WDFY3: variants seen among roughly 807,000 people sequenced by gnomAD.
WDFY3 encodes WD repeat and FYVE domain containing 3.
In WDFY3, 66 loss-of-function variants were observed where a neutral mutation model predicts 409.6. The ratio of observed to expected loss-of-function variants is 0.16; its 90% CI spans 0.13 to 0.20. The LOEUF (loss-of-function observed/expected upper bound fraction) is 0.20. Among genes scored for constraint, WDFY3 ranks in the 10% least tolerant of loss-of-function variants. The pLI is 1.00. For synonymous variants in WDFY3, 1,521 were observed against 1,537.1 expected (o/e 0.99, Z 0.25); for missense variants, 3,031 against 4,298.1 (o/e 0.71, Z 8.24).
intron 5 of WDFY3, among the ~76,000 whole-genome samples, chr4:84,848,522 A>C (rs1758430439): frequency 6.6e-6 from 1 of 152,176 alleles, no homozygotes; most frequent in African/African-American, 2.4e-5. Flanking sequence ...ATCTCAACCC[A>C]TGGTCAACTT....
intron 10 of WDFY3, among the ~76,000 whole-genome samples, chr4:84,823,286 A>C (rs2149838988): frequency 6.6e-6 from 1 of 152,282 alleles, no homozygotes; most frequent in African/African-American, 2.4e-5. Flanking sequence ...CTATGATAAT[A>C]ACTTAAAATG....
At chr4:84,727,893 A>G (rs1251336984) in intron 44 of WDFY3, among the ~76,000 whole-genome samples, 1 of 152,194 alleles carries the variant, frequency 6.6e-6, no homozygotes, top group Admixed American at 6.5e-5. Flanking sequence ...ATTGAAAAAT[A>G]ATATTTAACA....
intron 17 of WDFY3, among the ~76,000 whole-genome samples, chr4:84,799,589 A>G (rs1433926911): frequency 1.3e-5 from 2 of 152,098 alleles, no homozygotes; most frequent in African/African-American, 2.4e-5. Flanking sequence ...TTAATAAACA[A>G]TATTTTCATT....
chr4:84,683,650 TC>T (rs1159142032), intron 63 of WDFY3, among the ~76,000 whole-genome samples: 3 of 152,198 alleles, frequency 2.0e-5, no homozygotes, highest in Non-Finnish European at 2.9e-5. Flanking sequence ...CTTCTGCAGT[TC>T]GCATGTTGAG....
intron 4 of WDFY3, among the ~76,000 whole-genome samples, chr4:84,859,282 T>C (rs984462612): frequency 6.6e-6 from 1 of 152,124 alleles, no homozygotes; most frequent in Non-Finnish European, 1.5e-5. Flanking sequence ...CTTACACAAG[T>C]AGCCTAACTA....
At position 84,670,469 on chromosome 4, in the gene WDFY3, A is replaced by C. The variant is rs1238564229; in HGVS notation, c.*2399T>G. 6.5e-6 allele frequency: 1 copy of C among 152,696 alleles called. No individual in the cohort carries two copies. Among genetic ancestry groups the C allele is most frequent in the East Asian group, 1.9e-4 (1 of 5,204 alleles). The allele number at this position is 152,696 out of a possible 1,614,324, so 9.5% of individuals were successfully genotyped here. On this transcript the variant is annotated 3_prime_UTR_variant, in exon 68 of 68. Coordinates refer to ENST00000295888, the MANE Select transcript of WDFY3 (RefSeq NM_014991.6). The stretch of plus-strand genomic sequence containing the variant: ...GAAAAGAAACCCGATTGAACAAAAC[A>C]GTTGCCCACAGCACCAGCTGCCAGA...
At chr4:84,808,517 T>A in intron 14 of WDFY3, 100 bp from the exon 15 acceptor site, 1 of 898,518 alleles carries the variant, frequency 1.1e-6, no homozygotes, top group Non-Finnish European at 1.8e-6. Flanking sequence ...AGTAAAAGTT[T>A]AATAAGGAAC....
intron 17 of WDFY3, among the ~76,000 whole-genome samples, chr4:84,801,036 G>A (rs1750449877): frequency 6.6e-6 from 1 of 152,168 alleles, no homozygotes; most frequent in African/African-American, 2.4e-5. Context: ...CATGGGCTAA[G>A]GGCTAACGAT....
intron 2 of WDFY3, among the ~76,000 whole-genome samples, chr4:84,913,826 C>T (rs2150770390): frequency 1.3e-5 from 2 of 151,980 alleles, no homozygotes; most frequent in South Asian, 4.2e-4. Context: ...CCTCTCCTGC[C>T]TCCCTGGCCT....
chr4:84,793,738 T>C (rs1748906040), intron 21 of WDFY3, among the ~76,000 whole-genome samples: 1 of 152,204 alleles, frequency 6.6e-6, no homozygotes, highest in Non-Finnish European at 1.5e-5. Flanking sequence ...ACTAACTATA[T>C]TGATGCCTAG....
chr4:84,944,176 A>G (rs376657813), intron 1 of WDFY3, among the ~76,000 whole-genome samples: 4 of 152,216 alleles, frequency 2.6e-5, no homozygotes, highest in South Asian at 2.1e-4. Flanking sequence ...ATAGCTTTAT[A>G]TAAGTATTAT....
chr4:84,687,704 G>T (rs924009199), intron 62 of WDFY3: 11 of 154,418 alleles, frequency 7.1e-5, no homozygotes, highest in African/African-American at 2.7e-4. Flanking sequence ...TTTTTTAGAA[G>T]AAAAATTTAT....
intron 32 of WDFY3, among the ~76,000 whole-genome samples, chr4:84,758,534 G>A (rs1403913744): frequency 6.6e-6 from 1 of 152,144 alleles, no homozygotes; most frequent in African/African-American, 2.4e-5. Context: ...AGGCATGAGA[G>A]ACTGCACTCA....
intron 32 of WDFY3, among the ~76,000 whole-genome samples, chr4:84,757,816 T>G (rs1157011646): frequency 6.6e-6 from 1 of 152,206 alleles, no homozygotes; most frequent in Non-Finnish European, 1.5e-5. Context: ...TAGTTAACCT[T>G]AAATTACCTA....
chr4:84,936,340 G>A (rs746195133), intron 1 of WDFY3, among the ~76,000 whole-genome samples: 1 of 152,046 alleles, frequency 6.6e-6, no homozygotes, highest in African/African-American at 2.4e-5. Context: ...GGGCAACATA[G>A]TGAGACCCCA....
rs756588416 is a variant in WDFY3, at chr4:84,796,746, A to G, written c.2942T>C (p.Met981Thr). 71 of 1,610,208 alleles carry G rather than the reference A, an allele frequency of 4.4e-5. No homozygotes were observed. The Admixed American group carries it at 1.1e-3, about 26-fold the overall frequency. ...LSYEPEMRSS[M>T]ITSLEGLGTD... is the part of the protein sequence containing the mutation. The stretch of plus-strand genomic sequence containing the variant: ...ACCCAGACCTTCCAGAGATGTGATC[A>G]TACTACCTGTAAGTCAAGGAAATCT... Residue 981 changes from methionine (M) to threonine (T), a missense_variant, in exon 19 of 68, where the codon ATG becomes ACG. This residue lies in a region of WDFY3 where 1,322 missense variants were observed against 1,697.9 expected (regional missense o/e 0.78). Coordinates refer to ENST00000295888, the MANE Select transcript of WDFY3 (RefSeq NM_014991.6).
At position 84,831,459 on chromosome 4, in the gene WDFY3, G is replaced by A; in HGVS notation, c.723C>T (p.Thr241=). The change falls in exon 8 of 68, where the codon ACC becomes ACT. Residue 241 remains threonine, a synonymous_variant. Coordinates refer to ENST00000295888, the MANE Select transcript of WDFY3 (RefSeq NM_014991.6). ...TGACACTAAGACCATGACGAGATAT[G>A]GTCATGAGGACTTCTCCAGCACTCT... The part of the protein sequence containing the change: ...WRKSAGEVLM[T]ISRHGLSVNV... 6.2e-7 allele frequency: 1 copy of A among 1,613,846 alleles called. No homozygotes were observed. Among genetic ancestry groups the A allele is most frequent in the Non-Finnish European group, 8.5e-7 (1 of 1,179,876 alleles).
chr4:84,878,644 T>C (rs1763094099), intron 3 of WDFY3, among the ~76,000 whole-genome samples: 2 of 152,206 alleles, frequency 1.3e-5, no homozygotes, highest in South Asian at 4.1e-4. Context: ...GTTGACATGG[T>C]TCGAAATGCT....
At chr4:84,707,144 G>A (rs1229781070) in intron 53 of WDFY3, among the ~76,000 whole-genome samples, 1 of 151,786 alleles carries the variant, frequency 6.6e-6, no homozygotes, top group Non-Finnish European at 1.5e-5. Flanking sequence ...TGACCAGGCT[G>A]GTCTTGAACT....
Sources: gnomAD v4.1 joint callset for allele counts (sites outside exome capture counted in the v4.1 genomes callset) on GRCh38, gnomAD v4.1.1 for gene constraint, gnomAD v4.1.1 regional missense constraint, MANE v1.5 for transcripts, NCBI Gene and HGNC (gene_info 2026-07-23, HGNC 2026-07-21) for gene names.